Variants in CFAP36 observed in about 807,000 individuals in gnomAD.
The protein encoded by CFAP36 is cilia and flagella associated protein 36, also known as cilia- and flagella-associated protein 36.
A neutral mutation model predicts 50.5 loss-of-function variants in CFAP36; 37 were observed. That is an observed-to-expected ratio of 0.73 (90% CI 0.56 to 0.96). The LOEUF (loss-of-function observed/expected upper bound fraction) is 0.96. Among genes scored for constraint, CFAP36 ranks in the 50% least tolerant of loss-of-function variants. The pLI, the probability that CFAP36 is intolerant of heterozygous loss-of-function variation, is 0.00. For synonymous variants in CFAP36, 138 were observed against 128.2 expected, an observed-to-expected ratio of 1.08 and a Z score of -0.52; for missense variants, 407 against 396.2, an observed-to-expected ratio of 1.03 and a Z score of -0.23.
chr2:55,543,573 T>C (rs1684695777), intron 7 of CFAP36, among the ~76,000 whole-genome samples: 1 of 152,204 alleles, frequency 6.6e-6, no homozygotes, highest in Non-Finnish European at 1.5e-5. Flanking sequence ...ACCAATTACA[T>C]TGTAGTAAGG....
At chr2:55,538,295 C>CT (rs35529401) in intron 7 of CFAP36, among the ~76,000 whole-genome samples, 1,501 of 132,870 alleles carry the variant, frequency 0.011, 21 homozygotes, top group Middle Eastern at 0.035. Context: ...TTTCTTTTAT[C>CT]TTTTTTTTTT....
At chr2:55,527,950 G>T (rs1262968357) in intron 3 of CFAP36, among the ~76,000 whole-genome samples, 1 of 151,800 alleles carries the variant, frequency 6.6e-6, no homozygotes, top group African/African-American at 2.4e-5. Context: ...TGGGCAGATT[G>T]CTTGAGCTCA....
intron 5 of CFAP36, among the ~76,000 whole-genome samples, chr2:55,534,969 G>A (rs566645068): frequency 4.1e-4 from 63 of 152,286 alleles, no homozygotes; most frequent in African/African-American, 1.5e-3. Flanking sequence ...GGATGGCAGG[G>A]GCAAATGGGA....
At chr2:55,523,331 C>G (rs2103632733) in intron 2 of CFAP36, among the ~76,000 whole-genome samples, 1 of 151,766 alleles carries the variant, frequency 6.6e-6, no homozygotes, top group African/African-American at 2.4e-5. Context: ...AGGAGAATTG[C>G]TTGAGCCTGG....
chr2:55,526,573 C>T (rs1379809336), intron 3 of CFAP36, among the ~76,000 whole-genome samples: 1 of 152,196 alleles, frequency 6.6e-6, no homozygotes, highest in African/African-American at 2.4e-5. Flanking sequence ...TCCTGAGTAG[C>T]TAGGACTATA....
chr2:55,531,665 T>C (rs1431111315), intron 4 of CFAP36, among the ~76,000 whole-genome samples: 2 of 152,234 alleles, frequency 1.3e-5, no homozygotes, highest in East Asian at 3.8e-4. Context: ...AATGGAATAT[T>C]TCCTCCTGTA....
intron 9 of CFAP36, among the ~76,000 whole-genome samples, chr2:55,544,629 G>T (rs1684725379): frequency 6.6e-6 from 1 of 152,096 alleles, no homozygotes; most frequent in South Asian, 2.1e-4. Context: ...GTATGTCAGG[G>T]TTGGTGGTCT....
chr2:55,545,033 G>GGAA lies in CFAP36; in HGVS notation c.*27_*29dup. ...ATAATTAAGAACAATTTAACAAAAT[G>GGAA]GAAGTTCAAATTGTCTTAAAAATAA... On this transcript the variant is annotated 3_prime_UTR_variant, in exon 10 of 10. Transcript: ENST00000349456. The GGAA allele has an allele frequency of 7.4e-7, 1 of 1,346,550 alleles. No individual in the cohort carries two copies. The highest frequency in any genetic ancestry group is 1.3e-5 in the South Asian group (1 of 75,634). 83.4% of individuals were successfully genotyped at this position (1,346,550 alleles called of 1,614,324 possible).
chr2:55,537,382 A>G (rs906282668), intron 6 of CFAP36, 101 bp from the exon 7 acceptor site: 2 of 842,714 alleles, frequency 2.4e-6, no homozygotes, highest in South Asian at 3.8e-5. Context: ...AAAGAAAAAA[A>G]AAAGAAAACT....
intron 7 of CFAP36, among the ~76,000 whole-genome samples, chr2:55,542,004 A>G (rs999344330): frequency 6.6e-6 from 1 of 152,058 alleles, no homozygotes; most frequent in Non-Finnish European, 1.5e-5. Flanking sequence ...TACCAAGTCA[A>G]ACCATTTCTT....
intron 4 of CFAP36, 78 bp downstream of exon 4, chr2:55,529,070 A>C (rs1684284434): frequency 1.1e-6 from 1 of 941,564 alleles, no homozygotes; most frequent in African/African-American, 1.7e-5. Flanking sequence ...ATGGTCTTAA[A>C]TGTAGCTGTC....
rs563807450 is a variant in CFAP36, at chr2:55,538,618, A to G, written c.640+1033A>G. Reference sequence around the variant, plus strand: ...TACTCTTATCTTTTTTAAAAAAATTATTTTTGTTGAGTCGGGTGTTGCTGT... The same window carrying G: ...TACTCTTATCTTTTTTAAAAAAATTGTTTTTGTTGAGTCGGGTGTTGCTGT... On this transcript the variant is annotated intron_variant, in intron 7 of 9. Transcript: ENST00000349456. 1.6e-5 allele frequency: 9 copies of G among 578,892 alleles called. No homozygotes were observed. In the African/African-American group the frequency reaches 1.8e-4, roughly 11 times the overall value. 35.9% of individuals were successfully genotyped at this position (578,892 alleles called of 1,614,324 possible).
intron 7 of CFAP36, among the ~76,000 whole-genome samples, chr2:55,542,257 A>G (rs1684656515): frequency 6.6e-6 from 1 of 152,254 alleles, no homozygotes; most frequent in African/African-American, 2.4e-5. Flanking sequence ...CATATAATTC[A>G]GTTGTACACA....
intron 7 of CFAP36, among the ~76,000 whole-genome samples, chr2:55,537,943 T>A (rs1208762960): frequency 6.6e-6 from 1 of 152,228 alleles, no homozygotes; most frequent in Non-Finnish European, 1.5e-5. Flanking sequence ...AGTGAGAAGC[T>A]GAACTTGGAA....
chr2:55,524,311 T>C (rs1308179744), intron 3 of CFAP36, among the ~76,000 whole-genome samples: 2 of 152,154 alleles, frequency 1.3e-5, no homozygotes, highest in Non-Finnish European at 2.9e-5. Context: ...GGCTGGAGTT[T>C]AGTGTGATTG....
rs547165610 is a variant in CFAP36, at chr2:55,519,878, C to G, written c.77C>G (p.Ser26Cys). ...IAGFLRGPDW[S>C]IPILDFVEQK... ...GGGTTCCTGCGAGGCCCAGACTGGT[C>G]CATCCCCATCTTGGACTTTGTGGAA... The change falls in exon 1 of 10, where the codon TCC becomes TGC. Residue 26 changes from serine to cysteine, a missense_variant. Transcript: ENST00000349456. 1 of 1,614,202 alleles carries G rather than the reference C, an allele frequency of 6.2e-7. No individual in the cohort carries two copies. Among genetic ancestry groups the G allele is most frequent in the African/African-American group, 1.3e-5 (1 of 75,056 alleles).
chr2:55,522,136 T>C lies in CFAP36; in HGVS notation c.150T>C (p.Tyr50=). The C allele has an allele frequency of 6.5e-7, 1 of 1,540,420 alleles. No individual in the cohort carries two copies. Among genetic ancestry groups the C allele is most frequent in the South Asian group, 1.2e-5 (1 of 84,202 alleles). The change falls in exon 2 of 10, where the codon TAT becomes TAC. Residue 50 remains tyrosine (Y), a synonymous_variant. Coordinates refer to ENST00000349456, the MANE Select transcript of CFAP36 (RefSeq NM_080667.7). The stretch of plus-strand genomic sequence containing the variant: ...ATGAAGAAGAAAGCAAATTGACCTA[T>C]ACAGAGATTCATCAGGAATACAAAG... The part of the protein sequence containing the change: ...FDDEEESKLT[Y]TEIHQEYKEL...
chr2:55,544,107 C>G (rs766501054), intron 8 of CFAP36, 33 bp downstream of exon 8: 2 of 1,612,184 alleles, frequency 1.2e-6, no homozygotes, highest in Non-Finnish European at 1.7e-6. Context: ...GAACTATAAG[C>G]AAAATGACAA....
intron 5 of CFAP36, among the ~76,000 whole-genome samples, chr2:55,534,791 G>A (rs537275395): frequency 4.6e-4 from 70 of 152,208 alleles, no homozygotes; most frequent in Non-Finnish European, 8.8e-4. Context: ...CCCCACTTAG[G>A]TACTTTGTCC....
Sources: gnomAD v4.1 joint callset for allele counts (sites outside exome capture counted in the v4.1 genomes callset) on GRCh38, gnomAD v4.1.1 for gene constraint, MANE v1.5 for transcripts, NCBI Gene and HGNC (gene_info 2026-07-23, HGNC 2026-07-21) for gene names.